DOCK8: variants seen among roughly 807,000 people sequenced by gnomAD.
DOCK8 encodes dedicator of cytokinesis protein 8.
A neutral mutation model predicts 245.6 loss-of-function variants in DOCK8; 141 were observed. The ratio of observed to expected loss-of-function variants is 0.57; its 90% CI spans 0.50 to 0.66. The LOEUF (loss-of-function observed/expected upper bound fraction) is 0.66. DOCK8 is among the 30% of genes least tolerant of loss of function. The pLI is 0.00. For synonymous variants in DOCK8, 1,168 were observed against 970.2 expected (o/e 1.20, Z -3.79); for missense variants, 2,965 against 2,603.4 (o/e 1.14, Z -3.02).
intron 36 of DOCK8, among the ~76,000 whole-genome samples, chr9:431,209 G>C (rs2056698781): frequency 6.6e-6 from 1 of 152,120 alleles, no homozygotes; most frequent in Non-Finnish European, 1.5e-5. Flanking sequence ...CGAAGACTTT[G>C]GAGTTCAGCT....
In DOCK8 at chr9:464,853, G is replaced by T. The variant is rs1414465802; in HGVS notation, c.*634G>T. ...TATTACTGTTACATTAATTTAACAT[G>T]CATTTATAGAAGAATACATTCAAAG... On this transcript the variant is annotated 3_prime_UTR_variant, in exon 48 of 48. Transcript: ENST00000432829. The T allele has an allele frequency of 1.9e-5, 3 of 157,026 alleles. No individual in the cohort carries two copies. The highest frequency in any genetic ancestry group is 1.8e-4 in the Admixed American group (3 of 16,472). The allele number at this position is 157,026 out of a possible 1,614,324, so 9.7% of individuals were successfully genotyped here.
At chr9:307,318 T>G (rs1438259983) in intron 5 of DOCK8, among the ~76,000 whole-genome samples, 2 of 140,906 alleles carry the variant, frequency 1.4e-5, no homozygotes, top group Non-Finnish European at 1.5e-5. Context: ...CAAGTCACTG[T>G]GTTGTGTGTG....
At chr9:305,295 T>G (rs1053406770) in intron 5 of DOCK8, among the ~76,000 whole-genome samples, 18 of 152,060 alleles carry the variant, frequency 1.2e-4, no homozygotes, top group African/African-American at 3.9e-4. Flanking sequence ...CTTTTTTTTT[T>G]TTGTTGAGAC....
intron 22 of DOCK8, among the ~76,000 whole-genome samples, chr9:383,977 A>G (rs1394183828): frequency 6.6e-6 from 1 of 152,176 alleles, no homozygotes; most frequent in African/African-American, 2.4e-5. Context: ...TTATTCATTA[A>G]GTTCATCTTT....
chr9:322,999 C>T (rs111992980), intron 7 of DOCK8, among the ~76,000 whole-genome samples: 5 of 150,360 alleles, frequency 3.3e-5, no homozygotes, highest in South Asian at 2.1e-4. Context: ...AGGCTGAGGC[C>T]GAAGAATCGC....
intron 45 of DOCK8, among the ~76,000 whole-genome samples, chr9:451,210 C>T (rs1009287069): frequency 5.3e-5 from 8 of 151,966 alleles, no homozygotes; most frequent in African/African-American, 1.9e-4. Context: ...ACTTGGGAGG[C>T]TGAGGCAGGA....
chr9:302,980 A>G (rs554486786), intron 4 of DOCK8, among the ~76,000 whole-genome samples: 1 of 151,686 alleles, frequency 6.6e-6, no homozygotes, highest in East Asian at 1.9e-4. Context: ...ATCAAAATAA[A>G]TGGAAAAAAA....
intron 1 of DOCK8, among the ~76,000 whole-genome samples, chr9:243,440 G>C (rs1336847888): frequency 3.9e-5 from 6 of 152,132 alleles, no homozygotes; most frequent in Non-Finnish European, 8.8e-5. Context: ...CTTGGGTTCT[G>C]TCTCTCCTCT....
rs147349664 is a variant in DOCK8, at chr9:217,166, A to G, written c.53+2137A>G. Among the ~76,000 whole-genome samples, 797 of 152,322 alleles carry G rather than the reference A, an allele frequency of 5.2e-3. 8 individuals carry two copies. The highest frequency in any genetic ancestry group is 0.018 in the African/African-American group (763 of 41,564). ...TGTCTTGTTAATGATTTTCATGTTGATTGCATGTTGCTTGTAGTGTCTGGC... is the reference window on the plus strand; with the variant it reads ...TGTCTTGTTAATGATTTTCATGTTGGTTGCATGTTGCTTGTAGTGTCTGGC... On this transcript the variant is annotated intron_variant, in intron 1 of 47. Coordinates refer to ENST00000432829, the MANE Select transcript of DOCK8 (RefSeq NM_203447.4).
chr9:218,032 C>A (rs1232302431), intron 1 of DOCK8, among the ~76,000 whole-genome samples: 3 of 152,120 alleles, frequency 2.0e-5, no homozygotes, highest in Non-Finnish European at 2.9e-5. Flanking sequence ...GCAAAGTGTT[C>A]TGTTTCTGAT....
intron 14 of DOCK8, among the ~76,000 whole-genome samples, chr9:349,031 C>T (rs190600433): frequency 1.6e-3 from 242 of 152,254 alleles, no homozygotes; most frequent in Non-Finnish European, 2.5e-3. Context: ...CAGCAGAAGT[C>T]GGGAATCGTC....
chr9:286,649 C>A lies in DOCK8; in HGVS notation c.332+13C>A, dbSNP rs1050168076. 5 of 1,613,210 alleles carry A rather than the reference C, an allele frequency of 3.1e-6. No homozygotes were observed. The highest frequency in any genetic ancestry group is 1.3e-5 in the African/African-American group (1 of 74,840). On this transcript the variant is annotated intron_variant, in intron 3 of 47. Coordinates refer to ENST00000432829, the MANE Select transcript of DOCK8 (RefSeq NM_203447.4). Reference sequence around the variant, plus strand: ...TGCCGGAGGAAGGGTAAATAGTTTTCTAAAATGTAGATGTGATTGGGATTG... The same window carrying A: ...TGCCGGAGGAAGGGTAAATAGTTTTATAAAATGTAGATGTGATTGGGATTG...
chr9:298,076 A>G (rs952054414), intron 4 of DOCK8, among the ~76,000 whole-genome samples: 2 of 152,224 alleles, frequency 1.3e-5, no homozygotes, highest in African/African-American at 4.8e-5. Context: ...TAGCCAAAGA[A>G]CAATAGCCAA....
chr9:235,701 GC>G (rs775382949), intron 1 of DOCK8, among the ~76,000 whole-genome samples: 32 of 152,228 alleles, frequency 2.1e-4, no homozygotes, highest in Non-Finnish European at 3.1e-4. Flanking sequence ...GACCCTCTGA[GC>G]CATGTGTGGG....
chr9:251,743 A>C (rs149344399), intron 1 of DOCK8, among the ~76,000 whole-genome samples: 50 of 152,292 alleles, frequency 3.3e-4, no homozygotes, highest in African/African-American at 1.1e-3. Flanking sequence ...TGTTGTGAGG[A>C]CTACATGGGC....
At chr9:329,568 T>C (rs1419707293) in intron 9 of DOCK8, among the ~76,000 whole-genome samples, 1 of 152,250 alleles carries the variant, frequency 6.6e-6, no homozygotes, top group East Asian at 1.9e-4. Flanking sequence ...CTTCTATTGT[T>C]GTCAAACTTC....
At chr9:328,941 C>CTTTTTTTTTT (rs1165346763) in intron 9 of DOCK8, among the ~76,000 whole-genome samples, 4 of 71,348 alleles carry the variant, frequency 5.6e-5, no homozygotes, top group Admixed American at 1.8e-4. Flanking sequence ...CTTATTGATT[C>CTTTTTTTTTT]TTTTTTTTTT....
rs114552148 is a variant in DOCK8, at chr9:402,416, G to A, written c.3235-2502G>A. On this transcript the variant is annotated intron_variant, in intron 26 of 47. Transcript: ENST00000432829. ...CTTTGAGGCATTCATTTCCTCATCT[G>A]CAAAAAAACTAGGCTGGATTAGATT... Among the ~76,000 whole-genome samples the A allele has an allele frequency of 6.3e-3, 933 of 149,122 alleles. 14 individuals are homozygous for A. Among genetic ancestry groups the A allele is most frequent in the African/African-American group, 0.021 (854 of 40,238 alleles).
chr9:278,640 A>T (rs1245680054), intron 2 of DOCK8, among the ~76,000 whole-genome samples: 1 of 152,248 alleles, frequency 6.6e-6, no homozygotes, highest in Non-Finnish European at 1.5e-5. Context: ...GAAAGGAGAC[A>T]CTTGGGCAGA....
Sources: gnomAD v4.1 joint callset for allele counts (sites outside exome capture counted in the v4.1 genomes callset) on GRCh38, gnomAD v4.1.1 for gene constraint, MANE v1.5 for transcripts, NCBI Gene and HGNC (gene_info 2026-07-23, HGNC 2026-07-21) for gene names.